The following SNTB2 variants were observed in gnomAD, a reference collection of about 807,000 sequenced individuals.
SNTB2 encodes the protein beta-2-syntrophin.
Under a neutral mutation model 46.2 loss-of-function variants are expected in SNTB2, and 34 were observed. That is an observed-to-expected ratio of 0.74 (90% CI 0.56 to 0.98). The LOEUF (loss-of-function observed/expected upper bound fraction) is 0.98. SNTB2 is among the 50% of genes least tolerant of loss of function. The probability of loss-of-function intolerance (pLI) is 0.00; values close to 1 mark genes in which losing one functional copy is unlikely to be tolerated. For synonymous variants in SNTB2, 290 were observed against 312.6 expected (o/e 0.93, Z 0.76); for missense variants, 603 against 731.4 (o/e 0.82, Z 2.02).
chr16:69,208,675 A>C (rs1597172799), intron 1 of SNTB2, among the ~76,000 whole-genome samples: 2 of 152,222 alleles, frequency 1.3e-5, no homozygotes, highest in Admixed American at 6.5e-5. Flanking sequence ...CAAATATTTT[A>C]ACAAAACCTT....
At chr16:69,299,470 G>A in intron 5 of SNTB2, 120 bp from the exon 6 acceptor site, 1 of 957,612 alleles carries the variant, frequency 1.0e-6, no homozygotes, top group Non-Finnish European at 1.6e-6. Flanking sequence ...TTCCATACAG[G>A]TTAGGTATCA....
At chr16:69,227,700 C>CA (rs1159571959) in intron 1 of SNTB2, among the ~76,000 whole-genome samples, 1 of 152,102 alleles carries the variant, frequency 6.6e-6, no homozygotes, top group Admixed American at 6.5e-5. Context: ...ACAGACAAAA[C>CA]AAAAACTGTG....
At position 69,286,417 on chromosome 16, in the gene SNTB2, C is replaced by T. The variant is rs568949693; in HGVS notation, c.1345+2173C>T. 2.0e-5 allele frequency among the ~76,000 whole-genome samples: 3 copies of T among 152,244 alleles called. No individual in the cohort carries two copies. In the South Asian group the frequency reaches 6.2e-4, roughly 32 times the overall value. On this transcript the variant is annotated intron_variant, in intron 5 of 6. Transcript: ENST00000336278. ...TGAAAAATGAAGCTGGGTACACTGG[C>T]TCATGCCTGTAATCCCTGCACTTTG... is the stretch of plus-strand genomic sequence containing the variant.
chr16:69,209,684 TC>T (rs549054812), intron 1 of SNTB2, among the ~76,000 whole-genome samples: 1 of 152,258 alleles, frequency 6.6e-6, no homozygotes, highest in Non-Finnish European at 1.5e-5. Flanking sequence ...ATGTTTTTAG[TC>T]TACTTTAATG....
intron 5 of SNTB2, among the ~76,000 whole-genome samples, chr16:69,295,477 T>C (rs1424900287): frequency 6.6e-6 from 1 of 151,174 alleles, no homozygotes; most frequent in African/African-American, 2.4e-5. Flanking sequence ...GTCGAACTCC[T>C]GACCTTGTGA....
chr16:69,206,489 C>T (rs949334809), intron 1 of SNTB2, among the ~76,000 whole-genome samples: 2 of 151,920 alleles, frequency 1.3e-5, no homozygotes, highest in Non-Finnish European at 2.9e-5. Flanking sequence ...ATCGGGAGTT[C>T]GAGACCAGCC....
intron 5 of SNTB2, among the ~76,000 whole-genome samples, chr16:69,297,680 G>A (rs1291166381): frequency 6.6e-6 from 1 of 151,488 alleles, no homozygotes. Context: ...GGGAGGCCGA[G>A]GTGGATGGAT....
At chr16:69,272,799 G>A (rs1964950746) in intron 4 of SNTB2, among the ~76,000 whole-genome samples, 1 of 148,826 alleles carries the variant, frequency 6.7e-6, no homozygotes, top group Admixed American at 6.8e-5. Context: ...GCTGAGACAG[G>A]AGAAGTGCTT....
intron 1 of SNTB2, among the ~76,000 whole-genome samples, chr16:69,200,804 C>T (rs1415607368): frequency 6.6e-6 from 1 of 152,084 alleles, no homozygotes; most frequent in African/African-American, 2.4e-5. Flanking sequence ...TGTGAGCCAC[C>T]GAGTCTGGCC....
At chr16:69,286,590 T>A (rs1965104648) in intron 5 of SNTB2, among the ~76,000 whole-genome samples, 1 of 151,282 alleles carries the variant, frequency 6.6e-6, no homozygotes, top group South Asian at 2.1e-4. Context: ...GAGGCTGAGG[T>A]AGGAGGATCA....
At chr16:69,232,315 C>G (rs1288936802) in intron 1 of SNTB2, among the ~76,000 whole-genome samples, 1 of 150,690 alleles carries the variant, frequency 6.6e-6, no homozygotes, top group Non-Finnish European at 1.5e-5. Flanking sequence ...ACGCCATTCT[C>G]CTGCCTCAGC....
In SNTB2 at chr16:69,209,787, T is replaced by C. The variant is rs547974888; in HGVS notation, c.580+22041T>C. On this transcript the variant is annotated intron_variant, in intron 1 of 6. Coordinates refer to ENST00000336278, the MANE Select transcript of SNTB2 (RefSeq NM_006750.4). ...GCTGAGTTTAAACTTATATCTAATT[T>C]AGAAGGAGAGATATAGTACAAAGAT... 3.9e-5 allele frequency among the ~76,000 whole-genome samples: 6 copies of C among 152,266 alleles called. No individual in the cohort carries two copies. The South Asian group carries it at 1.2e-3, about 32-fold the overall frequency.
At chr16:69,229,976 A>G (rs1029374209) in intron 1 of SNTB2, among the ~76,000 whole-genome samples, 2 of 151,810 alleles carry the variant, frequency 1.3e-5, no homozygotes, top group African/African-American at 4.8e-5. Flanking sequence ...TTGTAGATAC[A>G]TGGTCCTAGT....
chr16:69,281,473 A>G (rs1351826270), intron 4 of SNTB2, among the ~76,000 whole-genome samples: 3 of 146,480 alleles, frequency 2.0e-5, no homozygotes, highest in Non-Finnish European at 4.5e-5. Flanking sequence ...TGTGAAAAGT[A>G]TGTAAGGTCT....
chr16:69,233,884 A>G (rs774212455), intron 1 of SNTB2, among the ~76,000 whole-genome samples: 9 of 152,134 alleles, frequency 5.9e-5, no homozygotes, highest in Non-Finnish European at 1.2e-4. Context: ...GGCTGAGGCA[A>G]GAAGATCCCT....
intron 3 of SNTB2, among the ~76,000 whole-genome samples, chr16:69,263,884 GCAGAGTCTCACTCTGTTGCC>G (rs1320201844): frequency 4.8e-4 from 71 of 148,208 alleles, no homozygotes; most frequent in African/African-American, 1.4e-3. Flanking sequence ...TTTTTTTGAG[GCAGAGTCTCACTCTGTTGCC>G]CAGAGTCTCA....
chr16:69,250,081 AAAAAAATTTTTAAAAAT>A (rs1211929189), intron 2 of SNTB2, among the ~76,000 whole-genome samples: 2 of 152,194 alleles, frequency 1.3e-5, no homozygotes, highest in African/African-American at 4.8e-5. Flanking sequence ...TCTGTCTCAA[AAAAAAATTTTTAAAAAT>A]AAAAAATTTT....
At chr16:69,298,512 CTTTTTTTTTTTTTT>C (rs34908270) in intron 5 of SNTB2, among the ~76,000 whole-genome samples, 1 of 78,108 alleles carries the variant, frequency 1.3e-5, no homozygotes, top group Non-Finnish European at 2.6e-5. Context: ...TTTACCAATT[CTTTTTTTTTTTTTT>C]TTTTTTTTTT....
intron 4 of SNTB2, among the ~76,000 whole-genome samples, chr16:69,272,590 A>T (rs988862636): frequency 4.0e-5 from 6 of 150,286 alleles, no homozygotes; most frequent in African/African-American, 1.2e-4. Flanking sequence ...TAATGAAAAG[A>T]TTACCCAATT....
Sources: gnomAD v4.1 joint callset for allele counts (sites outside exome capture counted in the v4.1 genomes callset) on GRCh38, gnomAD v4.1.1 for gene constraint, MANE v1.5 for transcripts, NCBI Gene and HGNC (gene_info 2026-07-23, HGNC 2026-07-21) for gene names.